The following TBC1D14 variants were observed in gnomAD, a reference collection of about 807,000 sequenced individuals.
The protein encoded by TBC1D14 is TBC1 domain family, member 14.
A neutral mutation model predicts 79.0 loss-of-function variants in TBC1D14; 26 were observed. The ratio of observed to expected loss-of-function variants is 0.33; its 90% confidence interval spans 0.24 to 0.46. TBC1D14 has a LOEUF of 0.46. Ranked by LOEUF, TBC1D14 falls within the 20% of genes least tolerant of loss-of-function variation. The pLI, the probability that TBC1D14 is intolerant of heterozygous loss-of-function variation, is 1.00. For missense variants in TBC1D14, 769 were observed against 887.6 expected (o/e 0.87, Z 1.70); for synonymous variants, 394 against 349.9 (o/e 1.13, Z -1.40).
At chr4:7,002,817 G>T (rs1280762657) in intron 7 of TBC1D14, among the ~76,000 whole-genome samples, 2 of 152,178 alleles carry the variant, frequency 1.3e-5, no homozygotes, top group Admixed American at 6.5e-5. Context: ...AAACTTGGTT[G>T]CTGAGTACCA....
At chr4:6,987,210 C>T in intron 3 of TBC1D14, 2 of 1,234,782 alleles carry the variant, frequency 1.6e-6, no homozygotes, top group East Asian at 3.3e-5. Flanking sequence ...CGGCCTGCCG[C>T]CCCGCCCCGC....
At chr4:6,999,938 G>A (rs1719487955) in intron 6 of TBC1D14, among the ~76,000 whole-genome samples, 1 of 152,136 alleles carries the variant, frequency 6.6e-6, no homozygotes, top group African/African-American at 2.4e-5. Context: ...GTTCAGAACG[G>A]TGGGGGCCAG....
chr4:6,989,232 G>A (rs909176854), intron 3 of TBC1D14, among the ~76,000 whole-genome samples: 4 of 152,062 alleles, frequency 2.6e-5, no homozygotes, highest in African/African-American at 4.8e-5. Context: ...CCCTGGATGC[G>A]TCTGAGGGGC....
intron 2 of TBC1D14, among the ~76,000 whole-genome samples, chr4:6,964,468 C>T (rs1417320921): frequency 1.3e-5 from 2 of 152,178 alleles, no homozygotes; most frequent in East Asian, 3.8e-4. Context: ...AAATGTATAC[C>T]CTTAGTGAAC....
chr4:6,960,121 AC>A (rs1414622058), intron 2 of TBC1D14, among the ~76,000 whole-genome samples: 1 of 131,324 alleles, frequency 7.6e-6, no homozygotes, highest in Non-Finnish European at 1.6e-5. Flanking sequence ...TGGCTCTGTC[AC>A]CCAGGCTGGA....
Position 6,923,503 on chromosome 4 carries a change from C to T in TBC1D14, c.114C>T (p.Pro38=), listed in dbSNP as rs903861129. 14 of 1,614,166 alleles carry T rather than the reference C, an allele frequency of 8.7e-6. No individual in the cohort carries two copies. Among genetic ancestry groups the T allele is most frequent in the South Asian group, 1.1e-5 (1 of 91,082 alleles). The part of the protein sequence containing the change: ...QNLQHVNLKA[P]RLLSAPEYGP... ...TGCAACACGTCAATCTCAAGGCGCC[C>T]CGACTCCTCTCCGCGCCTGAGTACG... Residue 38 remains proline, a synonymous_variant, in exon 2 of 14, where the codon CCC becomes CCT. Transcript: ENST00000409757.
At chr4:6,926,725 A>G (rs1487497139) in intron 2 of TBC1D14, among the ~76,000 whole-genome samples, 2 of 152,252 alleles carry the variant, frequency 1.3e-5, no homozygotes, top group Non-Finnish European at 2.9e-5. Context: ...TTTAGAGCTC[A>G]CTAAACATTT....
At chr4:7,010,141 C>T (rs1720605966) in intron 10 of TBC1D14, among the ~76,000 whole-genome samples, 193 bp downstream of exon 10, 1 of 152,184 alleles carries the variant, frequency 6.6e-6, no homozygotes, top group African/African-American at 2.4e-5. Flanking sequence ...CGTGGCTGCT[C>T]TGGGGCATTA....
chr4:6,996,466 GTTA>G, intron 5 of TBC1D14, 59 bp downstream of exon 5: 1 of 1,336,604 alleles, frequency 7.5e-7, no homozygotes, highest in Non-Finnish European at 1.1e-6. Context: ...TGTCTTTCTG[GTTA>G]TTTTCTTTTT....
intron 3 of TBC1D14, among the ~76,000 whole-genome samples, chr4:6,991,527 A>G (rs911184219): frequency 6.6e-6 from 1 of 152,204 alleles, no homozygotes; most frequent in African/African-American, 2.4e-5. Flanking sequence ...TGGAAGAGGC[A>G]GGAAACCATG....
At chr4:6,937,007 T>G (rs981189846) in intron 2 of TBC1D14, among the ~76,000 whole-genome samples, 1 of 152,206 alleles carries the variant, frequency 6.6e-6, no homozygotes. Flanking sequence ...AACCTCCGCC[T>G]TCCGGGTTCA....
intron 3 of TBC1D14, among the ~76,000 whole-genome samples, chr4:6,977,848 C>T (rs1318938351): frequency 1.3e-5 from 2 of 150,888 alleles, no homozygotes; most frequent in Non-Finnish European, 3.0e-5. Context: ...GCGTCTCTGC[C>T]CGGCCGCCCA....
At chr4:7,007,412 T>A (rs1044316307) in intron 9 of TBC1D14, 30 of 535,136 alleles carry the variant, frequency 5.6e-5, no homozygotes, top group Non-Finnish European at 8.4e-5. Flanking sequence ...CAGACGTTAA[T>A]CTGGGGATCT....
intron 13 of TBC1D14, among the ~76,000 whole-genome samples, chr4:7,027,600 A>G (rs1010327432): frequency 1.5e-5 from 2 of 132,946 alleles, no homozygotes; most frequent in Non-Finnish European, 3.2e-5. Context: ...CACGCATACA[A>G]TTACCCTACA....
At chr4:6,955,232 T>TG (rs1451525567) in intron 2 of TBC1D14, among the ~76,000 whole-genome samples, 1 of 152,206 alleles carries the variant, frequency 6.6e-6, no homozygotes, top group African/African-American at 2.4e-5. Context: ...TGTCAGTTTT[T>TG]GGGGGGTGGA....
At chr4:7,006,610 T>C (rs1720223236) in intron 8 of TBC1D14, 22 bp from the exon 9 acceptor site, 1 of 1,607,376 alleles carries the variant, frequency 6.2e-7, no homozygotes, top group Non-Finnish European at 8.5e-7. Context: ...GGAATGTAAT[T>C]ATTTTTGGCA....
chr4:6,994,179 C>T lies in TBC1D14; in HGVS notation c.844-5C>T. 1.2e-6 allele frequency: 2 copies of T among 1,612,016 alleles called. No individual in the cohort carries two copies. Among genetic ancestry groups the T allele is most frequent in the South Asian group, 1.1e-5 (1 of 91,040 alleles). On this transcript the variant is annotated splice_polypyrimidine_tract_variant and splice_region_variant and intron_variant, in intron 3 of 13. Transcript: ENST00000409757. ...CTGGAGTCATCCCTGGTTTCTTTGT[C>T]CTAGGAATATGAAGACAAGGCTGGA...
chr4:6,994,209 C>G lies in TBC1D14; in HGVS notation c.869C>G (p.Pro290Arg). The G allele has an allele frequency of 6.2e-7, 1 of 1,614,168 alleles. No homozygotes were observed. Among genetic ancestry groups the G allele is most frequent in the South Asian group, 1.1e-5 (1 of 91,088 alleles). The part of the protein sequence containing the change: ...QKEYEDKAGR[P>R]SKPPSPKQNV... ...GAATATGAAGACAAGGCTGGAAGAC[C>G]TAGCAAGCCACCCTCTCCAAAGCAG... The change falls in exon 4 of 14, where the codon CCT becomes CGT. Residue 290 changes from proline (P) to arginine (R), a missense_variant. Coordinates refer to ENST00000409757, the MANE Select transcript of TBC1D14 (RefSeq NM_020773.3).
At chr4:6,928,946 T>A (rs887407927) in intron 2 of TBC1D14, among the ~76,000 whole-genome samples, 3 of 152,242 alleles carry the variant, frequency 2.0e-5, no homozygotes, top group Admixed American at 6.5e-5. Flanking sequence ...AATTTACTCC[T>A]GCTTTGGCCA....
Sources: gnomAD v4.1 joint callset for allele counts (sites outside exome capture counted in the v4.1 genomes callset) on GRCh38, gnomAD v4.1.1 for gene constraint, MANE v1.5 for transcripts, NCBI Gene and HGNC (gene_info 2026-07-23, HGNC 2026-07-21) for gene names.